MAP3K5: variants seen among roughly 807,000 people sequenced by gnomAD.
MAP3K5 encodes mitogen-activated protein kinase kinase kinase 5.
Under a neutral mutation model 158.7 loss-of-function variants are expected in MAP3K5, and 56 were observed. The observed-to-expected ratio is 0.35, with a 90% CI of 0.28 to 0.44. MAP3K5 has a LOEUF of 0.44. Ranked by LOEUF, MAP3K5 falls within the 20% of genes least tolerant of loss-of-function variation. The pLI, the probability that MAP3K5 is intolerant of heterozygous loss-of-function variation, is 1.00. For missense variants in MAP3K5, 1,294 were observed against 1,674.8 expected (o/e 0.77, Z 3.97); for synonymous variants, 579 against 601.7 (o/e 0.96, Z 0.55).
intron 2 of MAP3K5, among the ~76,000 whole-genome samples, chr6:136,711,792 T>C (rs144553358): frequency 6.6e-6 from 1 of 152,338 alleles, no homozygotes; most frequent in African/African-American, 2.4e-5. Flanking sequence ...AGTAAGTTAA[T>C]GAAATTACTT....
At chr6:136,655,783 A>G (rs988219191) in intron 10 of MAP3K5, among the ~76,000 whole-genome samples, 2 of 152,158 alleles carry the variant, frequency 1.3e-5, no homozygotes, top group Non-Finnish European at 2.9e-5. Flanking sequence ...AGAGACCAGC[A>G]AAAATGAGCT....
intron 15 of MAP3K5, among the ~76,000 whole-genome samples, chr6:136,618,539 C>T (rs190467647): frequency 6.6e-6 from 1 of 152,258 alleles, no homozygotes; most frequent in African/African-American, 2.4e-5. Flanking sequence ...AAGTGTTCAC[C>T]TAAATCCATC....
chr6:136,724,457 A>G (rs2114796887), intron 1 of MAP3K5, among the ~76,000 whole-genome samples: 1 of 152,250 alleles, frequency 6.6e-6, no homozygotes, highest in Non-Finnish European at 1.5e-5. Flanking sequence ...CATGTTGGCC[A>G]GGCTGGTCTT....
intron 3 of MAP3K5, among the ~76,000 whole-genome samples, chr6:136,701,827 T>A (rs575362886): frequency 7.0e-4 from 106 of 152,344 alleles, no homozygotes; most frequent in African/African-American, 2.5e-3. Context: ...GAAAGTGGTA[T>A]CAGAGTTTTA....
chr6:136,762,898 G>T (rs890279273), intron 1 of MAP3K5, among the ~76,000 whole-genome samples: 7 of 152,188 alleles, frequency 4.6e-5, no homozygotes, highest in African/African-American at 1.7e-4. Flanking sequence ...CACAGCTAGA[G>T]AATAAAAATG....
At chr6:136,780,683 G>C (rs1361889163) in intron 1 of MAP3K5, among the ~76,000 whole-genome samples, 1 of 152,154 alleles carries the variant, frequency 6.6e-6, no homozygotes, top group Non-Finnish European at 1.5e-5. Context: ...AAAAGAAAGA[G>C]AAGTAAAACA....
intron 1 of MAP3K5, among the ~76,000 whole-genome samples, chr6:136,724,082 T>C (rs987193489): frequency 6.6e-6 from 1 of 151,420 alleles, no homozygotes; most frequent in African/African-American, 2.4e-5. Context: ...AGAAACCAAA[T>C]AAAACACTTA....
At chr6:136,659,848 T>C (rs1222668728) in intron 8 of MAP3K5, among the ~76,000 whole-genome samples, 3 of 152,218 alleles carry the variant, frequency 2.0e-5, no homozygotes, top group Admixed American at 1.3e-4. Context: ...AAGCGTGCAC[T>C]TCAAATGGAA....
In MAP3K5 at chr6:136,592,264, C is replaced by T; in HGVS notation, c.3134G>A (p.Arg1045Lys). 2 of 1,612,004 alleles carry T rather than the reference C, an allele frequency of 1.2e-6. No homozygotes were observed. The highest frequency in any genetic ancestry group is 1.7e-6 in the Non-Finnish European group (2 of 1,179,160). Residue 1045 changes from arginine to lysine, a missense_variant, in exon 23 of 30, where the codon AGG (arginine) becomes AAG (lysine). Physicochemically the swap from Arg to Lys is conservative, Grantham distance 26. This residue lies in a region of MAP3K5 where 362 missense variants were observed against 463.2 expected (regional missense o/e 0.78). Transcript: ENST00000359015. ...GGTAGCTCGCCTCTCACTGTCCTTC[C>T]TCAGCATGAAGAATCCAGAATCTTT... ...EEKDSGFFMLRKDSERRATLH... is the reference protein window; with the variant it reads ...EEKDSGFFMLKKDSERRATLH...
At chr6:136,691,136 A>C (rs1263386744) in intron 7 of MAP3K5, among the ~76,000 whole-genome samples, 1 of 152,122 alleles carries the variant, frequency 6.6e-6, no homozygotes, top group Non-Finnish European at 1.5e-5. Flanking sequence ...TGATGTGCCA[A>C]GAGATAATTT....
intron 2 of MAP3K5, among the ~76,000 whole-genome samples, chr6:136,712,437 G>C (rs1349056656): frequency 6.6e-6 from 1 of 152,044 alleles, no homozygotes; most frequent in Non-Finnish European, 1.5e-5. Context: ...GCCTCCCAAA[G>C]TGCTGGGATT....
At chr6:136,576,579 T>C (rs1774628092) in intron 25 of MAP3K5, among the ~76,000 whole-genome samples, 1 of 152,186 alleles carries the variant, frequency 6.6e-6, no homozygotes, top group Non-Finnish European at 1.5e-5. Context: ...AGCCTTAGGA[T>C]TACAGGGGTG....
At chr6:136,676,714 T>C (rs1779716132) in intron 7 of MAP3K5, among the ~76,000 whole-genome samples, 1 of 152,096 alleles carries the variant, frequency 6.6e-6, no homozygotes, top group East Asian at 1.9e-4. Flanking sequence ...TACTTATTAT[T>C]GCCATATTTA....
chr6:136,635,800 G>A (rs1006127824), intron 14 of MAP3K5, among the ~76,000 whole-genome samples: 1 of 149,858 alleles, frequency 6.7e-6, no homozygotes, highest in South Asian at 2.1e-4. Context: ...AGGATTGCTT[G>A]AGCCCAGGAG....
chr6:136,704,445 T>C (rs1290785110), intron 3 of MAP3K5, among the ~76,000 whole-genome samples: 1 of 152,184 alleles, frequency 6.6e-6, no homozygotes, highest in African/African-American at 2.4e-5. Context: ...TATAGACACA[T>C]ATACATACAC....
At chr6:136,578,883 T>C (rs142386222) in intron 25 of MAP3K5, among the ~76,000 whole-genome samples, 15 of 151,970 alleles carry the variant, frequency 9.9e-5, no homozygotes, top group Non-Finnish European at 1.8e-4. Context: ...TTTAAAAATA[T>C]TTCAGGGCCA....
chr6:136,697,362 T>C lies in MAP3K5; in HGVS notation c.832A>G (p.Asn278Asp). 6.2e-7 allele frequency: 1 copy of C among 1,612,026 alleles called. No individual in the cohort carries two copies. The highest frequency in any genetic ancestry group is 1.1e-5 in the South Asian group (1 of 90,760). ...SSQYFRESIL[N>D]DIRKARNLYT... ...AAATTACGAGCTTTCCTGATGTCAT[T>C]GAGTATAGATTCCCGGAAGTACTGG... The change falls in exon 5 of 30, where the codon AAT becomes GAT. Residue 278 changes from asparagine to aspartate, a missense_variant. By Grantham distance (23) the Asn-to-Asp change is conservative. Coordinates refer to ENST00000359015, the MANE Select transcript of MAP3K5 (RefSeq NM_005923.4).
intron 14 of MAP3K5, 29 bp downstream of exon 14, chr6:136,637,296 T>A (rs1282254063): frequency 6.5e-7 from 1 of 1,537,260 alleles, no homozygotes; most frequent in Admixed American, 1.7e-5. Flanking sequence ...AAATGAGCTC[T>A]AAATGTAAAT....
chr6:136,756,462 T>C (rs1043208485), intron 1 of MAP3K5, among the ~76,000 whole-genome samples: 4 of 152,210 alleles, frequency 2.6e-5, no homozygotes, highest in Admixed American at 1.3e-4. Context: ...GTTGCTGTTG[T>C]TGTTGAGACA....
Sources: allele counts gnomAD v4.1 joint callset (sites outside exome capture counted in the v4.1 genomes callset), GRCh38; gene constraint gnomAD v4.1.1; regional missense constraint gnomAD v4.1.1; transcripts MANE v1.5; gene names NCBI Gene and HGNC (gene_info 2026-07-23, HGNC 2026-07-21).